SLC8A1: variants seen among roughly 807,000 people sequenced by gnomAD.
The protein encoded by SLC8A1 is sodium/calcium exchanger 1.
A neutral mutation model predicts 68.3 loss-of-function variants in SLC8A1; 18 were observed. The observed-to-expected ratio is 0.26, with a 90% CI of 0.18 to 0.39. The LOEUF (loss-of-function observed/expected upper bound fraction) is 0.39, where lower values mean the gene tolerates loss of function less well. SLC8A1 is among the 10% of genes least tolerant of loss of function. SLC8A1 has a pLI of 1.00. For synonymous variants in SLC8A1, 475 were observed against 415.5 expected (o/e 1.14, Z -1.74); for missense variants, 985 against 1,156.7 (o/e 0.85, Z 2.15).
At chr2:40,266,323 G>A (rs549412501) in intron 2 of SLC8A1, among the ~76,000 whole-genome samples, 2 of 152,072 alleles carry the variant, frequency 1.3e-5, no homozygotes, top group South Asian at 4.1e-4. Context: ...TTCACCTAGG[G>A]TAAAGTTCAC....
exon 8 of SLC8A1, chr2:40,111,847 T>G (rs963856958): frequency 1.3e-5 from 2 of 152,150 alleles, no homozygotes; most frequent in Non-Finnish European, 2.9e-5. Context: ...ATCGACTGAT[T>G]TGATGTAATA....
intron 2 of SLC8A1, chr2:40,251,525 G>T (rs1026924265): frequency 6.6e-6 from 1 of 152,324 alleles, no homozygotes; most frequent in East Asian, 1.9e-4. Flanking sequence ...TCACATCTTA[G>T]TAAATCACCT....
At chr2:40,140,516 G>T (rs2041351501) in intron 6 of SLC8A1, among the ~76,000 whole-genome samples, 2 of 152,212 alleles carry the variant, frequency 1.3e-5, no homozygotes. Flanking sequence ...GTGGCACAGA[G>T]AACTTATTAG....
chr2:40,227,991 A>G (rs2059194879), intron 2 of SLC8A1, among the ~76,000 whole-genome samples: 1 of 152,220 alleles, frequency 6.6e-6, no homozygotes, highest in Non-Finnish European at 1.5e-5. Flanking sequence ...TGATGAATGA[A>G]TACCCACAAG....
At chr2:40,243,434 G>C (rs567129907) in intron 2 of SLC8A1, among the ~76,000 whole-genome samples, 1 of 152,262 alleles carries the variant, frequency 6.6e-6, no homozygotes, top group East Asian at 1.9e-4. Context: ...TAGTGACCAA[G>C]ATCACCCCAC....
intron 2 of SLC8A1, among the ~76,000 whole-genome samples, chr2:40,246,512 C>T (rs898540368): frequency 6.6e-6 from 1 of 152,188 alleles, no homozygotes; most frequent in African/African-American, 2.4e-5. Flanking sequence ...TGGATAACAG[C>T]AGCTTAGCCA....
At chr2:40,120,332 C>A (rs946922033) in intron 7 of SLC8A1, among the ~76,000 whole-genome samples, 7 of 152,070 alleles carry the variant, frequency 4.6e-5, no homozygotes, top group Non-Finnish European at 8.8e-5. Flanking sequence ...AGCAACCAGA[C>A]CTTGACGTAT....
At chr2:40,179,874 T>C (rs758171983) in intron 2 of SLC8A1, among the ~76,000 whole-genome samples, 2 of 152,202 alleles carry the variant, frequency 1.3e-5, no homozygotes, top group Non-Finnish European at 2.9e-5. Context: ...AATGCTTAAG[T>C]CTTGCTTTTT....
chr2:40,182,335 C>A (rs1323042799), intron 2 of SLC8A1, among the ~76,000 whole-genome samples: 1 of 152,208 alleles, frequency 6.6e-6, no homozygotes, highest in East Asian at 1.9e-4. Flanking sequence ...AAACTCACTT[C>A]TTTTTTACAG....
intron 1 of SLC8A1, among the ~76,000 whole-genome samples, chr2:40,436,187 G>T (rs1030070240): frequency 6.6e-6 from 1 of 151,334 alleles, no homozygotes; most frequent in Non-Finnish European, 1.5e-5. Context: ...TTTTTTCATT[G>T]AGGTATTCCC....
At chr2:40,240,460 T>G (rs940124033) in intron 2 of SLC8A1, among the ~76,000 whole-genome samples, 1 of 152,230 alleles carries the variant, frequency 6.6e-6, no homozygotes, top group South Asian at 2.1e-4. Context: ...ATTATTTGGA[T>G]TGGTTAAGAG....
chr2:40,323,376 G>A (rs1478428692), intron 2 of SLC8A1, among the ~76,000 whole-genome samples: 1 of 152,112 alleles, frequency 6.6e-6, no homozygotes, highest in Non-Finnish European at 1.5e-5. Flanking sequence ...AAATAGAATT[G>A]TCATGTCTGA....
intron 1 of SLC8A1, among the ~76,000 whole-genome samples, chr2:40,432,858 G>T (rs1698637272): frequency 6.6e-6 from 1 of 152,054 alleles, no homozygotes; most frequent in African/African-American, 2.4e-5. Flanking sequence ...ACCAGATTTT[G>T]CCTACTATAT....
intron 2 of SLC8A1, among the ~76,000 whole-genome samples, chr2:40,187,995 G>T (rs1338474886): frequency 2.6e-5 from 4 of 152,134 alleles, no homozygotes; most frequent in Non-Finnish European, 5.9e-5. Context: ...AGGACCTGGG[G>T]TCTGTTACCT....
chr2:40,306,232 C>G (rs112898656), intron 2 of SLC8A1, among the ~76,000 whole-genome samples: 2 of 152,192 alleles, frequency 1.3e-5, no homozygotes, highest in African/African-American at 4.8e-5. Flanking sequence ...TCATGTCGAG[C>G]AGCAGCTCTA....
chr2:40,207,123 G>T (rs753686876), intron 2 of SLC8A1, among the ~76,000 whole-genome samples: 46 of 152,078 alleles, frequency 3.0e-4, no homozygotes, highest in African/African-American at 1.1e-3. Flanking sequence ...ATTGTGTCAT[G>T]GTTACTTATG....
chr2:40,330,783 T>C (rs1314723092), intron 2 of SLC8A1, among the ~76,000 whole-genome samples: 2 of 152,196 alleles, frequency 1.3e-5, no homozygotes, highest in East Asian at 3.8e-4. Context: ...AATTGACTGA[T>C]CATGATTAAT....
intron 6 of SLC8A1, among the ~76,000 whole-genome samples, chr2:40,152,264 C>T (rs2043575632): frequency 6.6e-6 from 1 of 152,140 alleles, no homozygotes; most frequent in East Asian, 1.9e-4. Context: ...AATTCTGGTG[C>T]AGCAAACAAC....
intron 2 of SLC8A1, among the ~76,000 whole-genome samples, chr2:40,293,248 C>G (rs1482008174): frequency 6.6e-6 from 1 of 152,092 alleles, no homozygotes; most frequent in African/African-American, 2.4e-5. Context: ...AAAAGTCTCA[C>G]AAAGGCATGA....
Sources: gnomAD v4.1 joint callset for allele counts (sites outside exome capture counted in the v4.1 genomes callset) on GRCh38, gnomAD v4.1.1 for gene constraint, MANE v1.5 for transcripts, NCBI Gene and HGNC (gene_info 2026-07-23, HGNC 2026-07-21) for gene names.